Variants in NAALADL2 observed in about 807,000 individuals in gnomAD.
NAALADL2 encodes the protein N-acetylated alpha-linked acidic dipeptidase like 2.
A neutral mutation model predicts 87.2 loss-of-function variants in NAALADL2; 76 were observed. That is an observed-to-expected ratio of 0.87 (90% CI 0.72 to 1.05). NAALADL2 has a LOEUF of 1.05. NAALADL2 is among the 50% of genes least tolerant of loss of function. The probability of loss-of-function intolerance (pLI) is 0.00; values close to 1 mark genes in which losing one functional copy is unlikely to be tolerated. For missense variants in NAALADL2, 1,089 were observed against 945.8 expected, an observed-to-expected ratio of 1.15 and a Z score of -1.99; for synonymous variants, 354 against 331.0, an observed-to-expected ratio of 1.07 and a Z score of -0.75.
chr3:175,213,045 T>C (rs1742000657), intron 2 of NAALADL2, among the ~76,000 whole-genome samples: 1 of 152,170 alleles, frequency 6.6e-6, no homozygotes, highest in South Asian at 2.1e-4. Context: ...AAACTACTTA[T>C]TGAGTGCTTA....
chr3:175,158,681 A>C (rs1291777760), intron 2 of NAALADL2, among the ~76,000 whole-genome samples: 1 of 152,130 alleles, frequency 6.6e-6, no homozygotes, highest in Non-Finnish European at 1.5e-5. Context: ...CCAATGTTTA[A>C]AATATAAATG....
intron 2 of NAALADL2, among the ~76,000 whole-genome samples, chr3:174,553,065 T>A (rs1320819255): frequency 2.0e-5 from 3 of 152,156 alleles, no homozygotes; most frequent in Non-Finnish European, 4.4e-5. Flanking sequence ...GACTATGGGT[T>A]TTATATATCA....
In NAALADL2 at chr3:175,480,172, T is replaced by TTTCA. The variant is rs577162331; in HGVS notation, c.1653+8416_1653+8419dup. ...TGCCTCTGGTTTCTAGGCTAAGAGCTTTCATATTTATAGTTTATCTATATT... is the reference window on the plus strand; with the variant it reads ...TGCCTCTGGTTTCTAGGCTAAGAGCTTTCATTCATATTTATAGTTTATCTATATT... On this transcript the variant is annotated intron_variant, in intron 9 of 13. Transcript: ENST00000454872. Among the ~76,000 whole-genome samples, 149 of 151,922 alleles carry TTTCA rather than the reference T, an allele frequency of 9.8e-4. 2 individuals carry two copies. The South Asian group carries it at 0.025, about 26-fold the overall frequency.
chr3:175,451,134 G>A lies in NAALADL2; in HGVS notation c.1234+3762G>A, dbSNP rs149152991. On this transcript the variant is annotated intron_variant, in intron 6 of 13. Transcript: ENST00000454872. ...TGAAGCCAAATCTATTGAACTTTTCGTATATATGAGTCAATACATTACTCC... is the reference window on the plus strand; with the variant it reads ...TGAAGCCAAATCTATTGAACTTTTCATATATATGAGTCAATACATTACTCC... Among the ~76,000 whole-genome samples, 375 of 152,084 alleles carry A rather than the reference G, an allele frequency of 2.5e-3. 5 individuals are homozygous for A. The highest frequency in any genetic ancestry group is 0.023 in the Admixed American group (344 of 15,270).
chr3:175,517,280 G>T (rs190951586), intron 9 of NAALADL2, among the ~76,000 whole-genome samples: 4 of 152,068 alleles, frequency 2.6e-5, no homozygotes, highest in African/African-American at 9.7e-5. Context: ...AAAGGATGAG[G>T]TCCAACTATG....
chr3:175,245,428 C>A (rs1352652121), intron 3 of NAALADL2, among the ~76,000 whole-genome samples: 2 of 152,252 alleles, frequency 1.3e-5, no homozygotes, highest in Admixed American at 6.5e-5. Flanking sequence ...AACGGTTTTG[C>A]TTTAGCCAAA....
intron 2 of NAALADL2, among the ~76,000 whole-genome samples, chr3:174,571,364 T>A (rs1714896069): frequency 6.6e-6 from 1 of 152,136 alleles, no homozygotes; most frequent in African/African-American, 2.4e-5. Flanking sequence ...AATTCACTAA[T>A]GCATGCATGT....
At chr3:174,938,661 T>C (rs1013393183) in intron 1 of NAALADL2, among the ~76,000 whole-genome samples, 2 of 152,104 alleles carry the variant, frequency 1.3e-5, no homozygotes, top group Non-Finnish European at 2.9e-5. Flanking sequence ...AAGTGTTCTC[T>C]TTTCTCCAAA....
intron 1 of NAALADL2, among the ~76,000 whole-genome samples, chr3:174,989,913 T>A (rs1746484518): frequency 6.6e-6 from 1 of 152,162 alleles, no homozygotes; most frequent in Admixed American, 6.5e-5. Flanking sequence ...ATTTTTGACC[T>A]CATTTCTGGA....
chr3:175,205,478 G>T (rs1208213506), intron 2 of NAALADL2, among the ~76,000 whole-genome samples: 6 of 152,126 alleles, frequency 3.9e-5, no homozygotes, highest in Non-Finnish European at 7.4e-5. Context: ...TCTAAGATGT[G>T]AAGCTATAAG....
chr3:175,135,724 G>A (rs1036380255), intron 2 of NAALADL2, among the ~76,000 whole-genome samples: 3 of 152,104 alleles, frequency 2.0e-5, no homozygotes, highest in African/African-American at 7.2e-5. Context: ...AGTAACTGGA[G>A]GATAGATAAA....
intron 5 of NAALADL2, among the ~76,000 whole-genome samples, chr3:175,371,637 C>A (rs1766517199): frequency 6.6e-6 from 1 of 151,658 alleles, no homozygotes; most frequent in African/African-American, 2.4e-5. Flanking sequence ...GTAGCCTGGC[C>A]AAGATGGCGA....
At chr3:175,189,819 T>A (rs1431078507) in intron 2 of NAALADL2, among the ~76,000 whole-genome samples, 1 of 152,148 alleles carries the variant, frequency 6.6e-6, no homozygotes, top group Non-Finnish European at 1.5e-5. Flanking sequence ...TAAAATTATA[T>A]TACAGAACTA....
At chr3:175,610,114 T>C (rs1724407199) in intron 10 of NAALADL2, among the ~76,000 whole-genome samples, 1 of 152,204 alleles carries the variant, frequency 6.6e-6, no homozygotes. Flanking sequence ...TTGTTGAGAT[T>C]TCACTCTTAT....
intron 2 of NAALADL2, among the ~76,000 whole-genome samples, chr3:174,650,950 GC>G (rs1553809218): frequency 1.3e-5 from 2 of 151,860 alleles, no homozygotes; most frequent in Non-Finnish European, 2.9e-5. Flanking sequence ...TATGCATTTG[GC>G]CCTATTCACT....
At chr3:175,351,797 G>A (rs1763807431) in intron 5 of NAALADL2, among the ~76,000 whole-genome samples, 1 of 152,042 alleles carries the variant, frequency 6.6e-6, no homozygotes. Flanking sequence ...GGGGAAAATG[G>A]AGAGGAAATA....
At chr3:174,653,056 G>A (rs147291894) in intron 2 of NAALADL2, among the ~76,000 whole-genome samples, 89 of 152,286 alleles carry the variant, frequency 5.8e-4, no homozygotes, top group African/African-American at 2.0e-3. Context: ...AGACTGACAT[G>A]TCAGCATTCA....
chr3:175,468,709 G>A (rs1237535251), intron 8 of NAALADL2, among the ~76,000 whole-genome samples: 1 of 151,878 alleles, frequency 6.6e-6, no homozygotes, highest in African/African-American at 2.4e-5. Context: ...TTTTAGAATA[G>A]ACTAGGCTTG....
chr3:175,720,008 T>C (rs931914138), intron 11 of NAALADL2, among the ~76,000 whole-genome samples: 3 of 152,168 alleles, frequency 2.0e-5, no homozygotes, highest in Non-Finnish European at 2.9e-5. Flanking sequence ...GACCTTACTT[T>C]CTAATATAAA....
Sources: allele counts gnomAD v4.1 joint callset (sites outside exome capture counted in the v4.1 genomes callset), GRCh38; gene constraint gnomAD v4.1.1; transcripts MANE v1.5; gene names NCBI Gene and HGNC (gene_info 2026-07-23, HGNC 2026-07-21).